CALN1: variants seen among roughly 807,000 people sequenced by gnomAD.
CALN1 encodes calcium-binding protein 8.
In CALN1, 17 loss-of-function variants were observed where a neutral mutation model predicts 30.6. The observed-to-expected ratio is 0.56, with a 90% confidence interval of 0.38 to 0.83. The LOEUF is 0.83. CALN1 is among the 40% of genes least tolerant of loss of function. The pLI, the probability that CALN1 is intolerant of heterozygous loss-of-function variation, is 0.00. For missense variants in CALN1, 291 were observed against 354.9 expected, an observed-to-expected ratio of 0.82 and a Z score of 1.45; for synonymous variants, 156 against 131.4, an observed-to-expected ratio of 1.19 and a Z score of -1.28.
rs568818480 is a variant in CALN1, at chr7:72,187,825, T to G, written c.245-81531A>C. ...TCTCAGTGAATGCCTTATATAAAAT[T>G]TGTGATATATGTTCATCCTGTATCT... On this transcript the variant is annotated intron_variant, in intron 3 of 6. Coordinates refer to ENST00000395275, the MANE Select transcript of CALN1 (RefSeq NM_031468.4). Among the ~76,000 whole-genome samples the G allele has an allele frequency of 9.8e-5, 15 of 152,324 alleles. No homozygotes were observed. In the South Asian group the frequency reaches 3.1e-3, roughly 32 times the overall value.
At chr7:72,252,606 C>T (rs1336100221) in intron 3 of CALN1, among the ~76,000 whole-genome samples, 3 of 75,150 alleles carry the variant, frequency 4.0e-5, no homozygotes, top group African/African-American at 1.8e-4. Flanking sequence ...AAGACCCTGT[C>T]TCAAAAAAAA....
chr7:71,854,614 C>T (rs1790837431), intron 5 of CALN1, among the ~76,000 whole-genome samples: 1 of 152,170 alleles, frequency 6.6e-6, no homozygotes, highest in South Asian at 2.1e-4. Flanking sequence ...AAAAAGTGTA[C>T]ACTACAAAGT....
intron 3 of CALN1, among the ~76,000 whole-genome samples, chr7:72,156,780 G>C (rs145602376): frequency 1.7e-3 from 256 of 152,336 alleles, no homozygotes; most frequent in African/African-American, 5.9e-3. Flanking sequence ...CTGGGGGACA[G>C]AGACACAGAA....
In CALN1 at chr7:72,352,026, C is replaced by T. The variant is rs1018835862; in HGVS notation, c.119+51225G>A. The stretch of plus-strand genomic sequence containing the variant: ...AGGTGTGGTGGCTCATGCCTGTAAT[C>T]CCAGCACTTTGGGAAGCCAAGGCAG... On this transcript the variant is annotated intron_variant, in intron 2 of 6. Transcript: ENST00000395275. Among the ~76,000 whole-genome samples, 6 of 152,272 alleles carry T rather than the reference C, an allele frequency of 3.9e-5. No homozygotes were observed. In the East Asian group the frequency reaches 1.2e-3, roughly 29 times the overall value.
chr7:72,105,201 C>T (rs1806998868), intron 4 of CALN1, among the ~76,000 whole-genome samples: 1 of 152,152 alleles, frequency 6.6e-6, no homozygotes, highest in Non-Finnish European at 1.5e-5. Flanking sequence ...CAGCACTGCT[C>T]CCCTGGCTCC....
chr7:72,361,978 T>A (rs1269488942), intron 2 of CALN1, among the ~76,000 whole-genome samples: 2 of 152,196 alleles, frequency 1.3e-5, no homozygotes, highest in Non-Finnish European at 2.9e-5. Context: ...ATAATTTTTT[T>A]AATGCGAGTT....
intron 1 of CALN1, among the ~76,000 whole-genome samples, chr7:72,410,860 C>G (rs1308937623): frequency 2.6e-5 from 4 of 152,098 alleles, no homozygotes; most frequent in Admixed American, 2.6e-4. Context: ...AGAAAAAATA[C>G]AAGGATGTTT....
At chr7:72,388,097 T>A (rs1019992206) in intron 2 of CALN1, among the ~76,000 whole-genome samples, 2 of 152,192 alleles carry the variant, frequency 1.3e-5, no homozygotes, top group Non-Finnish European at 2.9e-5. Context: ...ACCAACCTAG[T>A]AGAAGAAAGG....
chr7:72,479,276 A>G, the CALN1 span, among the ~76,000 whole-genome samples: 4 of 152,086 alleles, frequency 2.6e-5, no homozygotes, highest in Non-Finnish European at 5.9e-5. Flanking sequence ...AGTTCTTTAT[A>G]TATTCTGGAT....
intron 2 of CALN1, among the ~76,000 whole-genome samples, chr7:72,281,002 G>A (rs932835121): frequency 1.3e-5 from 2 of 151,966 alleles, no homozygotes; most frequent in Admixed American, 6.6e-5. Flanking sequence ...AAATTAGCTG[G>A]ACATGGTAGT....
At chr7:72,225,858 G>A (rs1159521639) in intron 3 of CALN1, among the ~76,000 whole-genome samples, 1 of 152,150 alleles carries the variant, frequency 6.6e-6, no homozygotes, top group African/African-American at 2.4e-5. Flanking sequence ...AGCACTTTGG[G>A]AGGCCGAGGC....
chr7:71,794,376 G>A (rs917408443), intron 6 of CALN1, among the ~76,000 whole-genome samples: 1 of 152,142 alleles, frequency 6.6e-6, no homozygotes. Context: ...CATTTGCATT[G>A]TACTATATTT....
chr7:72,371,047 C>CAA (rs35918896), intron 2 of CALN1, among the ~76,000 whole-genome samples: 3,533 of 91,330 alleles, frequency 0.039, 169 homozygotes, highest in African/African-American at 0.13. Flanking sequence ...AATTAAGTCT[C>CAA]AAAAAAAAAA....
intron 2 of CALN1, among the ~76,000 whole-genome samples, chr7:72,303,939 T>C (rs771973783): frequency 2.6e-5 from 4 of 152,230 alleles, no homozygotes; most frequent in Non-Finnish European, 4.4e-5. Context: ...TGAGTAATTA[T>C]TTACATAATC....
intron 3 of CALN1, among the ~76,000 whole-genome samples, chr7:72,153,887 G>A (rs978275860): frequency 2.6e-5 from 4 of 152,124 alleles, no homozygotes; most frequent in Non-Finnish European, 5.9e-5. Context: ...TTGGTGGTTA[G>A]AATGATTTTT....
At chr7:72,429,370 G>T (rs141177334) in intron 1 of CALN1, among the ~76,000 whole-genome samples, 1 of 152,066 alleles carries the variant, frequency 6.6e-6, no homozygotes, top group Non-Finnish European at 1.5e-5. Flanking sequence ...CAAATGGCTC[G>T]TCGAAAATAT....
intron 4 of CALN1, among the ~76,000 whole-genome samples, chr7:72,070,211 G>C (rs144653994): frequency 2.0e-3 from 306 of 152,338 alleles, no homozygotes; most frequent in Non-Finnish European, 3.7e-3. Context: ...GCAGAGGAAG[G>C]TGAAATGCCT....
chr7:71,909,700 A>T (rs1368865762), intron 5 of CALN1, among the ~76,000 whole-genome samples: 1 of 152,180 alleles, frequency 6.6e-6, no homozygotes, highest in African/African-American at 2.4e-5. Flanking sequence ...CAAGTTACAC[A>T]GGGGACGTTT....
intron 3 of CALN1, among the ~76,000 whole-genome samples, chr7:72,202,871 A>G (rs1401183723): frequency 6.6e-6 from 1 of 152,240 alleles, no homozygotes; most frequent in Admixed American, 6.5e-5. Context: ...TCATTCTACT[A>G]TAAAGACACA....
Sources: allele counts gnomAD v4.1 joint callset (sites outside exome capture counted in the v4.1 genomes callset), GRCh38; gene constraint gnomAD v4.1.1; transcripts MANE v1.5; gene names NCBI Gene and HGNC (gene_info 2026-07-23, HGNC 2026-07-21).